Variants in GLRX3 observed in about 807,000 individuals in gnomAD.
GLRX3 encodes glutaredoxin-3.
GLRX3 carries 22 observed loss-of-function variants against 49.5 expected under a neutral mutation model. That is an observed-to-expected ratio of 0.44 (90% CI 0.32 to 0.63). The LOEUF (loss-of-function observed/expected upper bound fraction) is 0.63. Among genes scored for constraint, GLRX3 ranks in the 30% least tolerant of loss-of-function variants. The pLI is 0.05. For missense variants in GLRX3, 385 were observed against 396.3 expected (o/e 0.97, Z 0.24); for synonymous variants, 133 against 140.0 (o/e 0.95, Z 0.35).
At chr10:130,158,826 A>G (rs569998145) in intron 2 of GLRX3, among the ~76,000 whole-genome samples, 2 of 152,314 alleles carry the variant, frequency 1.3e-5, no homozygotes, top group African/African-American at 2.4e-5. Flanking sequence ...GAATTTTCAT[A>G]TAAGTACATT....
chr10:130,156,686 G>A (rs927153064), intron 2 of GLRX3, among the ~76,000 whole-genome samples: 2 of 152,198 alleles, frequency 1.3e-5, no homozygotes, highest in Non-Finnish European at 2.9e-5. Flanking sequence ...GATGACCCCT[G>A]CTCAATAAAA....
intron 4 of GLRX3, among the ~76,000 whole-genome samples, chr10:130,165,405 G>C (rs1251783893): frequency 3.3e-5 from 5 of 151,900 alleles, no homozygotes; most frequent in Non-Finnish European, 5.9e-5. Context: ...ATAATAAGAT[G>C]ATGTCAAAAA....
intron 2 of GLRX3, among the ~76,000 whole-genome samples, chr10:130,153,472 G>A (rs1446077518): frequency 6.6e-6 from 1 of 152,174 alleles, no homozygotes; most frequent in Non-Finnish European, 1.5e-5. Context: ...GTGACATTTG[G>A]ATGGGGTTTC....
intron 10 of GLRX3, among the ~76,000 whole-genome samples, chr10:130,179,096 C>A (rs1033060357): frequency 5.3e-5 from 8 of 152,120 alleles, no homozygotes; most frequent in African/African-American, 1.9e-4. Context: ...CCTCGGCCTC[C>A]CAAAGTGCTG....
intron 2 of GLRX3, among the ~76,000 whole-genome samples, chr10:130,148,464 G>A (rs1215658776): frequency 1.1e-5 from 1 of 92,408 alleles, no homozygotes; most frequent in Non-Finnish European, 2.0e-5. Context: ...TTTTTTTAAT[G>A]ATGAAATGGT....
At chr10:130,144,130 G>A (rs1862225395) in intron 1 of GLRX3, among the ~76,000 whole-genome samples, 1 of 152,000 alleles carries the variant, frequency 6.6e-6, no homozygotes, top group South Asian at 2.1e-4. Context: ...CTATGGTCAC[G>A]GTTATGTCTC....
intron 4 of GLRX3, among the ~76,000 whole-genome samples, chr10:130,162,653 G>T (rs1339229824): frequency 2.6e-5 from 4 of 152,162 alleles, no homozygotes; most frequent in Non-Finnish European, 4.4e-5. Flanking sequence ...TCTCTCCTTT[G>T]GGGTTGAACA....
In GLRX3 at chr10:130,166,605, G is replaced by C; in HGVS notation, c.577G>C (p.Ala193Pro). The change falls in exon 5 of 11, where the codon GCC becomes CCC. Residue 193 changes from alanine (A) to proline (P), a missense_variant. By Grantham distance (27) the Ala-to-Pro change is conservative. Transcript: ENST00000331244. ...SDEEVRQGLKAYSSWPTYPQL... is the reference protein window; with the variant it reads ...SDEEVRQGLKPYSSWPTYPQL... Reference sequence around the variant, plus strand: ...TGAAGAGGTTCGACAGGGACTCAAAGCCTATTCCAGTTGGCCTACCTATCC... The same window carrying C: ...TGAAGAGGTTCGACAGGGACTCAAACCCTATTCCAGTTGGCCTACCTATCC... 1 of 1,610,360 alleles carries C rather than the reference G, an allele frequency of 6.2e-7. No homozygotes were observed. Among genetic ancestry groups the C allele is most frequent in the Non-Finnish European group, 8.5e-7 (1 of 1,176,602 alleles).
Position 130,160,957 on chromosome 10 carries a change from C to G in GLRX3, c.438C>G (p.Cys146Trp). Residue 146 changes from cysteine (C) to tryptophan (W), a missense_variant, in exon 4 of 11, where the codon TGC becomes TGG. Transcript: ENST00000331244. ...AGAAATTGACTCATGCTGCCCCCTGCATGCTGTTTATGAAAGGAACTCCTC... is the reference window on the plus strand; with the variant it reads ...AGAAATTGACTCATGCTGCCCCCTGGATGCTGTTTATGAAAGGAACTCCTC... Reference protein sequence around the residue: ...RLKKLTHAAPCMLFMKGTPQE... With the variant: ...RLKKLTHAAPWMLFMKGTPQE... The G allele has an allele frequency of 6.2e-7, 1 of 1,613,710 alleles. No individual in the cohort carries two copies. Among genetic ancestry groups the G allele is most frequent in the Non-Finnish European group, 8.5e-7 (1 of 1,179,852 alleles).
chr10:130,166,271 G>A (rs1335042344), intron 4 of GLRX3, among the ~76,000 whole-genome samples: 3 of 149,692 alleles, frequency 2.0e-5, no homozygotes, highest in Non-Finnish European at 4.4e-5. Flanking sequence ...AGTAGTCACA[G>A]TTGTGTCAAA....
At chr10:130,163,591 G>C (rs1862619508) in intron 4 of GLRX3, among the ~76,000 whole-genome samples, 1 of 152,048 alleles carries the variant, frequency 6.6e-6, no homozygotes, top group Non-Finnish European at 1.5e-5. Context: ...GGGTTTTTCT[G>C]TTTCCTGATA....
Position 130,179,658 on chromosome 10 carries a change from A to T in GLRX3, c.*266A>T. On this transcript the variant is annotated 3_prime_UTR_variant, in exon 11 of 11. Transcript: ENST00000331244. The stretch of plus-strand genomic sequence containing the variant: ...TTACAGCAGTATTAAACATACAGCT[A>T]CTATAATTAACCCACCTTAAATCTC... 2 of 382,026 alleles carry T rather than the reference A, an allele frequency of 5.2e-6. No homozygotes were observed. Among genetic ancestry groups the T allele is most frequent in the Non-Finnish European group, 4.8e-6 (1 of 210,340 alleles). 23.7% of individuals were successfully genotyped at this position (382,026 alleles called of 1,614,324 possible).
rs560790864 is a variant in GLRX3, at chr10:130,163,160, C to G, written c.478+2163C>G. Among the ~76,000 whole-genome samples, 165 of 152,274 alleles carry G rather than the reference C, an allele frequency of 1.1e-3. 1 individual carries two copies. Among genetic ancestry groups the G allele is most frequent in the African/African-American group, 3.8e-3 (156 of 41,550 alleles). On this transcript the variant is annotated intron_variant, in intron 4 of 10. Coordinates refer to ENST00000331244, the MANE Select transcript of GLRX3 (RefSeq NM_006541.5). Reference sequence around the variant, plus strand: ...TATTTCAGGGCTGGGCGTGGTGGCTCATGCCTGTAATCCCAGCACATTGGG... The same window carrying G: ...TATTTCAGGGCTGGGCGTGGTGGCTGATGCCTGTAATCCCAGCACATTGGG...
chr10:130,174,122 T>TTACA, intron 8 of GLRX3, among the ~76,000 whole-genome samples: 1 of 152,250 alleles, frequency 6.6e-6, no homozygotes, highest in Non-Finnish European at 1.5e-5. Context: ...GTAATGTTCA[T>TTACA]TGTATGGTAT....
chr10:130,172,830 C>T (rs1312934306), intron 8 of GLRX3, among the ~76,000 whole-genome samples: 1 of 152,048 alleles, frequency 6.6e-6, no homozygotes, highest in Non-Finnish European at 1.5e-5. Context: ...TAATCCCAGC[C>T]ACTCAGGAGG....
At chr10:130,178,736 G>A (rs1565002459) in intron 10 of GLRX3, among the ~76,000 whole-genome samples, 1 of 151,516 alleles carries the variant, frequency 6.6e-6, no homozygotes, top group South Asian at 2.1e-4. Context: ...ATGGAGTCTC[G>A]CTCTAGCCCA....
chr10:130,154,310 C>T (rs1862434707), intron 2 of GLRX3, among the ~76,000 whole-genome samples: 1 of 152,206 alleles, frequency 6.6e-6, no homozygotes, highest in Non-Finnish European at 1.5e-5. Context: ...GACGCCCTGC[C>T]CTACTTTGGC....
chr10:130,162,502 C>G (rs1590068050), intron 4 of GLRX3, among the ~76,000 whole-genome samples: 1 of 152,252 alleles, frequency 6.6e-6, no homozygotes, highest in East Asian at 1.9e-4. Flanking sequence ...ATTTCTTGTA[C>G]TTTGTGCGGT....
intron 3 of GLRX3, 121 bp downstream of exon 3, chr10:130,160,190 C>T: frequency 1.5e-6 from 1 of 649,552 alleles, no homozygotes. Flanking sequence ...TCTGGCCCTC[C>T]ACCTTTCTTC....
Sources: gnomAD v4.1 joint callset for allele counts (sites outside exome capture counted in the v4.1 genomes callset) on GRCh38, gnomAD v4.1.1 for gene constraint, MANE v1.5 for transcripts, NCBI Gene and HGNC (gene_info 2026-07-23, HGNC 2026-07-21) for gene names.